The following PCDH15 variants were observed in gnomAD, a reference collection of about 807,000 sequenced individuals.
The protein encoded by PCDH15 is protocadherin-15.
Under a neutral mutation model 178.5 loss-of-function variants are expected in PCDH15, and 129 were observed. That is an observed-to-expected ratio of 0.72 (90% CI 0.63 to 0.84). PCDH15 has a LOEUF of 0.84. Ranked by LOEUF, PCDH15 falls within the 40% of genes least tolerant of loss-of-function variation. The pLI, the probability that PCDH15 is intolerant of heterozygous loss-of-function variation, is 0.00. For synonymous variants in PCDH15, 800 were observed against 732.0 expected (o/e 1.09, Z -1.50); for missense variants, 2,230 against 2,099.9 (o/e 1.06, Z -1.21).
At chr10:54,350,921 T>A (rs867576679) in intron 5 of PCDH15, among the ~76,000 whole-genome samples, 1 of 152,050 alleles carries the variant, frequency 6.6e-6, no homozygotes, top group Admixed American at 6.6e-5. Flanking sequence ...CTGGCCAGCA[T>A]GGTGAAATCC....
chr10:54,806,230 C>T (rs1952775585), upstream of PCDH15, among the ~76,000 whole-genome samples: 1 of 152,140 alleles, frequency 6.6e-6, no homozygotes, highest in African/African-American at 2.4e-5. Context: ...TACCTCTTCA[C>T]AATTCCAGTT....
chr10:53,889,639 T>C (rs557610865), intron 26 of PCDH15, among the ~76,000 whole-genome samples: 1 of 152,296 alleles, frequency 6.6e-6, no homozygotes, highest in South Asian at 2.1e-4. Flanking sequence ...CAGTTTGATA[T>C]TATCTATCTA....
At chr10:55,396,375 T>A (rs1365121069) in intron 2 of PCDH15, among the ~76,000 whole-genome samples, 1 of 152,192 alleles carries the variant, frequency 6.6e-6, no homozygotes, top group African/African-American at 2.4e-5. Context: ...TGCTAGCCTG[T>A]CAATATTCAC....
intron 1 of PCDH15, among the ~76,000 whole-genome samples, chr10:55,242,190 G>A (rs535610361): frequency 1.3e-5 from 2 of 152,258 alleles, no homozygotes; most frequent in East Asian, 1.9e-4. Context: ...AACCACTGGT[G>A]TTGCTTCAGT....
chr10:53,986,513 T>A (rs553373604), intron 21 of PCDH15, among the ~76,000 whole-genome samples: 56 of 152,352 alleles, frequency 3.7e-4, no homozygotes, highest in African/African-American at 1.1e-3. Context: ...TTAAGAGATA[T>A]CTATCTGTAC....
At chr10:53,918,506 A>G (rs2083717627) in intron 25 of PCDH15, among the ~76,000 whole-genome samples, 1 of 152,214 alleles carries the variant, frequency 6.6e-6, no homozygotes, top group African/African-American at 2.4e-5. Flanking sequence ...TATTGAATAA[A>G]ACGATACGTC....
intron 18 of PCDH15, among the ~76,000 whole-genome samples, chr10:54,047,867 T>C (rs1318455710): frequency 6.6e-6 from 1 of 152,172 alleles, no homozygotes; most frequent in Non-Finnish European, 1.5e-5. Context: ...GGTAGTGCTG[T>C]CATGAAAATA....
intron 8 of PCDH15, among the ~76,000 whole-genome samples, chr10:54,291,552 C>T (rs75222537): frequency 0.085 from 12,847 of 151,852 alleles, 661 homozygotes; most frequent in Admixed American, 0.14. Context: ...TTGAAAGGAC[C>T]AACAAAATTG....
chr10:54,587,148 T>C (rs7072003), intron 2 of PCDH15, among the ~76,000 whole-genome samples: 20,543 of 152,158 alleles, frequency 0.14, 1,456 homozygotes, highest in Non-Finnish European at 0.16. Flanking sequence ...CAGTGACCAT[T>C]GGCATCATCT....
At chr10:55,557,424 G>A (rs1327410530) in intron 2 of PCDH15, among the ~76,000 whole-genome samples, 2 of 152,120 alleles carry the variant, frequency 1.3e-5, no homozygotes, top group Non-Finnish European at 2.9e-5. Flanking sequence ...AAATCAACAA[G>A]TTAAATGTAG....
At chr10:54,570,747 G>A (rs1368687062) in intron 2 of PCDH15, among the ~76,000 whole-genome samples, 1 of 151,940 alleles carries the variant, frequency 6.6e-6, no homozygotes, top group East Asian at 1.9e-4. Context: ...CGGCCTCCAG[G>A]ATTCAAGCAA....
chr10:55,349,031 T>A (rs1366176161), intron 2 of PCDH15, among the ~76,000 whole-genome samples: 2 of 152,058 alleles, frequency 1.3e-5, no homozygotes, highest in Non-Finnish European at 2.9e-5. Flanking sequence ...GGAGTCTAGG[T>A]GACAGATTGC....
At chr10:54,958,976 C>A (rs1838569835) in intron 2 of PCDH15, among the ~76,000 whole-genome samples, 1 of 151,826 alleles carries the variant, frequency 6.6e-6, no homozygotes, top group Admixed American at 6.6e-5. Context: ...AAATACTATA[C>A]AAATACAACC....
At chr10:54,473,564 C>T (rs1488525492) in intron 3 of PCDH15, among the ~76,000 whole-genome samples, 1 of 152,052 alleles carries the variant, frequency 6.6e-6, no homozygotes, top group Non-Finnish European at 1.5e-5. Context: ...CTTCCATTCT[C>T]ACTAATGTGG....
At chr10:54,789,813 A>C (rs561563034) in intron 1 of PCDH15, among the ~76,000 whole-genome samples, 62 of 152,018 alleles carry the variant, frequency 4.1e-4, no homozygotes, top group African/African-American at 1.4e-3. Flanking sequence ...CAGGAAAGAA[A>C]AGTGATAAAA....
chr10:55,440,968 C>CT (rs1749895144), intron 2 of PCDH15, among the ~76,000 whole-genome samples: 1 of 152,150 alleles, frequency 6.6e-6, no homozygotes, highest in South Asian at 2.1e-4. Flanking sequence ...TATAGGGCAA[C>CT]TGCCCCCCAT....
chr10:54,420,610 G>A (rs1181658642), intron 3 of PCDH15, among the ~76,000 whole-genome samples: 1 of 152,012 alleles, frequency 6.6e-6, no homozygotes, highest in Non-Finnish European at 1.5e-5. Flanking sequence ...GATTTGACAA[G>A]TTCTTAAGAG....
At chr10:53,826,157 A>AATC (rs1344711778) in intron 32 of PCDH15, among the ~76,000 whole-genome samples, 1 of 151,934 alleles carries the variant, frequency 6.6e-6, no homozygotes, top group Non-Finnish European at 1.5e-5. Flanking sequence ...CAAAAGAAAC[A>AATC]ATCATTTTTC....
At chr10:54,648,490 C>G (rs1286910809) in intron 2 of PCDH15, among the ~76,000 whole-genome samples, 1 of 152,090 alleles carries the variant, frequency 6.6e-6, no homozygotes, top group Non-Finnish European at 1.5e-5. Context: ...ACAGGTAGAA[C>G]AGGGTTGGGC....
Sources: allele counts gnomAD v4.1 joint callset (sites outside exome capture counted in the v4.1 genomes callset), GRCh38; gene constraint gnomAD v4.1.1; transcripts MANE v1.5; gene names NCBI Gene and HGNC (gene_info 2026-07-23, HGNC 2026-07-21).